Variants in GRIK3 observed in about 807,000 individuals in gnomAD.
GRIK3 encodes glutamate receptor ionotropic, kainate 3.
In GRIK3, 29 loss-of-function variants were observed where a neutral mutation model predicts 102.5. The observed-to-expected ratio is 0.28, with a 90% CI of 0.21 to 0.39. The LOEUF is 0.39. Among genes scored for constraint, GRIK3 ranks in the 10% least tolerant of loss-of-function variants. The pLI, the probability that GRIK3 is intolerant of heterozygous loss-of-function variation, is 1.00. For missense variants in GRIK3, 908 were observed against 1,252.4 expected, an observed-to-expected ratio of 0.73 and a Z score of 4.15; for synonymous variants, 511 against 504.9, an observed-to-expected ratio of 1.01 and a Z score of -0.16.
chr1:36,816,905 G>C (rs977514825), intron 13 of GRIK3, among the ~76,000 whole-genome samples, 155 bp downstream of exon 13: 6 of 152,184 alleles, frequency 3.9e-5, no homozygotes, highest in African/African-American at 1.4e-4. Context: ...GCTCCCCAAA[G>C]TCAACTAGTC....
rs565474900 is a variant in GRIK3, at chr1:36,936,461, G to C, written c.116-45365C>G. 5.6e-4 allele frequency among the ~76,000 whole-genome samples: 85 copies of C among 152,278 alleles called. 1 individual carries two copies. The South Asian group carries it at 0.017, about 30-fold the overall frequency. On this transcript the variant is annotated intron_variant, in intron 1 of 15. Transcript: ENST00000373091. ...AGTTTGCAAGATCTTAGGAAAGCAGGGAGTGATGAGTTAGAGCCAGTATGA... is the reference window on the plus strand; with the variant it reads ...AGTTTGCAAGATCTTAGGAAAGCAGCGAGTGATGAGTTAGAGCCAGTATGA...
At chr1:36,858,504 C>T (rs1419429608) in intron 7 of GRIK3, among the ~76,000 whole-genome samples, 4 of 152,196 alleles carry the variant, frequency 2.6e-5, no homozygotes, top group African/African-American at 4.8e-5. Flanking sequence ...AGGACAGTTT[C>T]CATATTCTCT....
rs773618980 is a variant in GRIK3, at chr1:36,872,335, T to C, written c.585A>G (p.Pro195=). 1.2e-4 allele frequency: 194 copies of C among 1,610,662 alleles called. No individual in the cohort carries two copies. Among genetic ancestry groups the C allele is most frequent in the Non-Finnish European group, 1.6e-4 (189 of 1,178,292 alleles). ...TCTTCAGGCGGATGTTGTATCTTGATGGGGCCATGATGAGCTCCTGCAGTC... is the reference window on the plus strand; with the variant it reads ...TCTTCAGGCGGATGTTGTATCTTGACGGGGCCATGATGAGCTCCTGCAGTC... ...LIRLQELIMA[P]SRYNIRLKIR... is the part of the protein sequence containing the mutation. The change falls in exon 4 of 16, where the codon CCA becomes CCG. Residue 195 remains proline (P), a synonymous_variant. Transcript: ENST00000373091. The surrounding 1 kb of genome is among the most constrained non-coding windows in gnomAD (Gnocchi z 5.9).
At chr1:36,987,186 C>T (rs957103327) in intron 1 of GRIK3, among the ~76,000 whole-genome samples, 2 of 151,776 alleles carry the variant, frequency 1.3e-5, no homozygotes, top group South Asian at 4.1e-4. Context: ...GCTCCAAGTC[C>T]ATCAGGTGGG....
At chr1:37,001,668 G>C (rs1029415991) in intron 1 of GRIK3, among the ~76,000 whole-genome samples, 2 of 152,162 alleles carry the variant, frequency 1.3e-5, no homozygotes, top group Non-Finnish European at 2.9e-5. Flanking sequence ...ATCCTTGAGA[G>C]GTTCCTCAAT....
At chr1:36,910,875 C>T (rs577473225) in intron 1 of GRIK3, among the ~76,000 whole-genome samples, 1 of 152,326 alleles carries the variant, frequency 6.6e-6, no homozygotes, top group African/African-American at 2.4e-5. Context: ...GAACTCCTAG[C>T]TCAGAACAGG....
chr1:36,950,608 G>T (rs1440528559), intron 1 of GRIK3, among the ~76,000 whole-genome samples: 1 of 152,228 alleles, frequency 6.6e-6, no homozygotes, highest in Non-Finnish European at 1.5e-5. Context: ...TGTGCAGACG[G>T]TGGGGTGACA....
chr1:36,959,530 G>A (rs1268648779), intron 1 of GRIK3, among the ~76,000 whole-genome samples: 5 of 132,324 alleles, frequency 3.8e-5, no homozygotes, highest in African/African-American at 1.3e-4. Flanking sequence ...GTGAGCCTGT[G>A]TGCCCTGTAA....
chr1:36,797,682 T>A lies in GRIK3; in HGVS notation c.*4169A>T, dbSNP rs1642383336. On this transcript the variant is annotated 3_prime_UTR_variant, in exon 16 of 16. Transcript: ENST00000373091. Reference sequence around the variant, plus strand: ...CAGATGGGTATCCACACAGGACCACTCCAGATGTGAGCCAGAGAGGCCAGC... The same window carrying A: ...CAGATGGGTATCCACACAGGACCACACCAGATGTGAGCCAGAGAGGCCAGC... 6.6e-6 allele frequency: 1 copy of A among 152,202 alleles called. No individual in the cohort carries two copies. The highest frequency in any genetic ancestry group is 2.1e-4 in the South Asian group (1 of 4,830). 9.4% of individuals were successfully genotyped at this position (152,202 alleles called of 1,614,324 possible).
At chr1:36,848,757 T>A (rs1366639524) in intron 9 of GRIK3, among the ~76,000 whole-genome samples, 2 of 151,082 alleles carry the variant, frequency 1.3e-5, no homozygotes, top group African/African-American at 5.0e-5. Flanking sequence ...ATTTGTTTAT[T>A]TTCATCCTTT....
chr1:36,847,348 C>T (rs1030735083), intron 9 of GRIK3, among the ~76,000 whole-genome samples: 8 of 152,096 alleles, frequency 5.3e-5, no homozygotes, highest in African/African-American at 1.4e-4. Flanking sequence ...AGGGAGGGCT[C>T]GGGGGCAGAG....
At chr1:36,940,960 C>A (rs58603899) in intron 1 of GRIK3, among the ~76,000 whole-genome samples, 2,168 of 152,276 alleles carry the variant, frequency 0.014, 58 homozygotes, top group African/African-American at 0.05. Context: ...TTTTAAATGT[C>A]CACCTCCCTT....
Position 36,859,092 on chromosome 1 carries a change from G to T in GRIK3, c.1104+16C>A, listed in dbSNP as rs1259296322. ...TCCCGGGGAGACAACACTGGTGGGG[G>T]CTGTGGGGCACTCACCTCCTTGATG... On this transcript the variant is annotated intron_variant, in intron 7 of 15. Coordinates refer to ENST00000373091, the MANE Select transcript of GRIK3 (RefSeq NM_000831.4). The T allele has an allele frequency of 6.3e-7, 1 of 1,593,096 alleles. No individual in the cohort carries two copies. Among genetic ancestry groups the T allele is most frequent in the Non-Finnish European group, 8.6e-7 (1 of 1,165,850 alleles).
intron 1 of GRIK3, among the ~76,000 whole-genome samples, chr1:36,970,303 A>C (rs1642127458): frequency 6.6e-6 from 1 of 152,076 alleles, no homozygotes; most frequent in African/African-American, 2.4e-5. Flanking sequence ...ACAGGTGATG[A>C]GTGGGGCCAC....
intron 1 of GRIK3, among the ~76,000 whole-genome samples, chr1:36,967,480 A>G (rs886961941): frequency 1.5e-4 from 23 of 152,380 alleles, no homozygotes; most frequent in Middle Eastern, 6.8e-3. Context: ...CTCATGGGTC[A>G]TCTGTGTCTC....
chr1:36,879,491 GT>G (rs974459628), intron 3 of GRIK3, among the ~76,000 whole-genome samples: 24 of 152,244 alleles, frequency 1.6e-4, no homozygotes, highest in African/African-American at 5.8e-4. Context: ...AGTGGGTTTT[GT>G]TTATCTAAGT....
intron 1 of GRIK3, among the ~76,000 whole-genome samples, chr1:36,966,121 C>T (rs1479194243): frequency 2.0e-5 from 3 of 152,208 alleles, no homozygotes; most frequent in Non-Finnish European, 2.9e-5. Context: ...ACATGCTAGC[C>T]AGGAAAGGGT....
chr1:37,022,630 G>A (rs1337366864), intron 1 of GRIK3, among the ~76,000 whole-genome samples: 2 of 152,224 alleles, frequency 1.3e-5, no homozygotes, highest in Non-Finnish European at 2.9e-5. Context: ...TAGACAGCAT[G>A]AGCATCTTGA....
At chr1:36,993,750 GA>G (rs1163636320) in intron 1 of GRIK3, among the ~76,000 whole-genome samples, 1 of 152,166 alleles carries the variant, frequency 6.6e-6, no homozygotes, top group Non-Finnish European at 1.5e-5. Context: ...CTCAGCTAAA[GA>G]AAACTCACCC....
Sources: gnomAD v4.1 joint callset for allele counts (sites outside exome capture counted in the v4.1 genomes callset) on GRCh38, gnomAD v4.1.1 for gene constraint, Gnocchi (gnomAD v3.1) non-coding constraint, MANE v1.5 for transcripts, NCBI Gene and HGNC (gene_info 2026-07-23, HGNC 2026-07-21) for gene names.